The following MGMT variants were observed in gnomAD, a reference collection of about 807,000 sequenced individuals.
The protein encoded by MGMT is methylated-DNA--protein-cysteine methyltransferase.
A neutral mutation model predicts 15.9 loss-of-function variants in MGMT; 14 were observed. The observed-to-expected ratio is 0.88, with a 90% confidence interval of 0.58 to 1.37. The LOEUF is 1.37. MGMT is among the 40% of genes most tolerant of loss of function. The pLI, the probability that MGMT is intolerant of heterozygous loss-of-function variation, is 0.00. For missense variants in MGMT, 282 were observed against 268.1 expected (o/e 1.05, Z -0.36); for synonymous variants, 130 against 118.2 (o/e 1.10, Z -0.65).
chr10:129,507,977 T>G (rs1421776172), intron 1 of MGMT, among the ~76,000 whole-genome samples: 2 of 152,222 alleles, frequency 1.3e-5, no homozygotes, highest in East Asian at 3.8e-4. Flanking sequence ...GGTGGGATAC[T>G]AAGTCCTTTG....
chr10:129,673,223 T>C (rs538535250), intron 2 of MGMT, among the ~76,000 whole-genome samples: 1 of 152,260 alleles, frequency 6.6e-6, no homozygotes, highest in East Asian at 1.9e-4. Context: ...CCCAAAATTG[T>C]CGCTGTCTGC....
intron 1 of MGMT, among the ~76,000 whole-genome samples, chr10:129,524,678 G>A (rs562494298): frequency 2.2e-3 from 282 of 129,926 alleles, no homozygotes; most frequent in Middle Eastern, 0.011. Context: ...TGCAACCTCC[G>A]CCTCCCGGGT....
rs542663991 is a variant in MGMT at position 129,473,856 on chromosome 10, C to G, written c.-13+6560C>G. Among the ~76,000 whole-genome samples the G allele has an allele frequency of 3.9e-5, 6 of 152,274 alleles. No homozygotes were observed. In the East Asian group the frequency reaches 1.2e-3, roughly 29 times the overall value. The stretch of plus-strand genomic sequence containing the variant: ...GTGTGCCTTGTGCCTACCCCGCACC[C>G]CACTAGAGAGTGGAACGACCAGGGC... On this transcript the variant is annotated intron_variant, in intron 1 of 4. Transcript: ENST00000651593.
intron 1 of MGMT, among the ~76,000 whole-genome samples, chr10:129,489,446 C>T (rs1231058398): frequency 1.4e-5 from 2 of 143,032 alleles, no homozygotes; most frequent in Non-Finnish European, 3.0e-5. Context: ...TTTCTTGATT[C>T]TTTTGGGGCC....
intron 1 of MGMT, among the ~76,000 whole-genome samples, chr10:129,490,602 T>A (rs1352057401): frequency 6.6e-6 from 1 of 152,152 alleles, no homozygotes; most frequent in Non-Finnish European, 1.5e-5. Context: ...CAGCCTTTGT[T>A]CTTATATTTA....
chr10:129,651,844 ATATCT>A (rs1847462197), intron 2 of MGMT, among the ~76,000 whole-genome samples: 1 of 152,244 alleles, frequency 6.6e-6, no homozygotes, highest in South Asian at 2.1e-4. Context: ...AAGAAAAAAG[ATATCT>A]TAATCCAATT....
chr10:129,758,448 C>T (rs1016571584), intron 3 of MGMT, among the ~76,000 whole-genome samples: 5 of 152,034 alleles, frequency 3.3e-5, no homozygotes, highest in Non-Finnish European at 5.9e-5. Context: ...GCCTTCTTCG[C>T]GTGCCCCAGT....
At chr10:129,597,959 G>C (rs145321245) in intron 2 of MGMT, among the ~76,000 whole-genome samples, 1 of 152,170 alleles carries the variant, frequency 6.6e-6, no homozygotes, top group African/African-American at 2.4e-5. Context: ...GATGTCGTTC[G>C]GTGGGTAGAG....
chr10:129,679,357 G>A (rs1416855011), intron 2 of MGMT, among the ~76,000 whole-genome samples: 1 of 150,204 alleles, frequency 6.7e-6, no homozygotes, highest in African/African-American at 2.5e-5. Flanking sequence ...GTCGCTGTGG[G>A]ACCCTGCGGG....
chr10:129,582,192 G>A (rs1316987543), intron 2 of MGMT, among the ~76,000 whole-genome samples: 2 of 152,212 alleles, frequency 1.3e-5, no homozygotes, highest in Admixed American at 6.5e-5. Context: ...GCCCGGCTAC[G>A]TCTCATGAAT....
intron 4 of MGMT, among the ~76,000 whole-genome samples, chr10:129,763,999 G>A (rs560408940): frequency 4.6e-5 from 7 of 152,194 alleles, no homozygotes. Flanking sequence ...GTCAAATTAG[G>A]ATGAGCTGTG....
intron 4 of MGMT, among the ~76,000 whole-genome samples, chr10:129,765,680 T>A (rs1366261766): frequency 6.6e-6 from 1 of 152,210 alleles, no homozygotes; most frequent in Non-Finnish European, 1.5e-5. Flanking sequence ...AGGCAGGGGC[T>A]GACCATCTCA....
chr10:129,752,501 T>C (rs922564409), intron 3 of MGMT, among the ~76,000 whole-genome samples: 2 of 151,850 alleles, frequency 1.3e-5, no homozygotes, highest in Non-Finnish European at 2.9e-5. Context: ...TCAATTTAGG[T>C]CTAACATTTT....
At chr10:129,660,838 T>A (rs1589921468) in intron 2 of MGMT, among the ~76,000 whole-genome samples, 1 of 151,144 alleles carries the variant, frequency 6.6e-6, no homozygotes, top group East Asian at 1.9e-4. Flanking sequence ...GAGTAGGGAG[T>A]ATCTCTTTCT....
At chr10:129,534,575 C>G (rs909199045) in intron 1 of MGMT, among the ~76,000 whole-genome samples, 2 of 152,028 alleles carry the variant, frequency 1.3e-5, no homozygotes, top group African/African-American at 4.8e-5. Flanking sequence ...ATGCACCTCT[C>G]TCTCCTCGTT....
Position 129,544,322 on chromosome 10 carries a change from C to T in MGMT, c.125+7945C>T, listed in dbSNP as rs74160223. On this transcript the variant is annotated intron_variant, in intron 2 of 4. Coordinates refer to ENST00000651593, the MANE Select transcript of MGMT (RefSeq NM_002412.5). Reference sequence around the variant, plus strand: ...GGCACGTTGCCGCCACAGCCAGCATCGGCGTCTGTTCAGGTTTCAGGAAGG... The same window carrying T: ...GGCACGTTGCCGCCACAGCCAGCATTGGCGTCTGTTCAGGTTTCAGGAAGG... 7.4e-3 allele frequency among the ~76,000 whole-genome samples: 1,131 copies of T among 152,326 alleles called. 21 individuals are homozygous for T. The highest frequency in any genetic ancestry group is 0.026 in the African/African-American group (1,090 of 41,566).
chr10:129,530,889 G>C (rs1328888007), intron 1 of MGMT, among the ~76,000 whole-genome samples: 1 of 152,110 alleles, frequency 6.6e-6, no homozygotes, highest in African/African-American at 2.4e-5. Context: ...CTCTGTGTAG[G>C]TGTCAGTTTC....
At chr10:129,631,143 C>G (rs1204901402) in intron 2 of MGMT, among the ~76,000 whole-genome samples, 1 of 151,418 alleles carries the variant, frequency 6.6e-6, no homozygotes, top group East Asian at 1.9e-4. Context: ...TTAATGAAAC[C>G]AGTCTGCTTT....
chr10:129,535,360 C>T lies in MGMT; in HGVS notation c.-12-881C>T, dbSNP rs916979151. The stretch of plus-strand genomic sequence containing the variant: ...GCAGTGAGCTAGGATTGCACCGCTG[C>T]TCTCCAGCCTGGGTGGCAGAGCAAG... On this transcript the variant is annotated intron_variant, in intron 1 of 4. Transcript: ENST00000651593. Among the ~76,000 whole-genome samples, 7 of 152,226 alleles carry T rather than the reference C, an allele frequency of 4.6e-5. No homozygotes were observed. The South Asian group carries it at 1.0e-3, about 23-fold the overall frequency.
Sources: gnomAD v4.1 joint callset for allele counts (sites outside exome capture counted in the v4.1 genomes callset) on GRCh38, gnomAD v4.1.1 for gene constraint, MANE v1.5 for transcripts, NCBI Gene and HGNC (gene_info 2026-07-23, HGNC 2026-07-21) for gene names.